ERI2: variants seen among roughly 807,000 people sequenced by gnomAD.
ERI2 encodes the protein ERI1 exoribonuclease family member 2, also known as ERI1 exoribonuclease 2.
ERI2 carries 35 observed loss-of-function variants against 46.8 expected under a neutral mutation model. The observed-to-expected ratio is 0.75, with a 90% CI of 0.57 to 0.99. The LOEUF is 0.99. ERI2 is among the 50% of genes least tolerant of loss of function. ERI2 has a pLI of 0.00. For missense variants in ERI2, 695 were observed against 796.2 expected (o/e 0.87, Z 1.53); for synonymous variants, 224 against 271.0 (o/e 0.83, Z 1.70).
chr16:20,789,911 C>T (rs929715778), intron 9 of ERI2, among the ~76,000 whole-genome samples: 4 of 151,450 alleles, frequency 2.6e-5, no homozygotes, highest in Admixed American at 6.6e-5. Flanking sequence ...TGACCTCAGG[C>T]GATCCACCCG....
intron 1 of ERI2, chr16:20,806,201 C>T (rs1187489755): frequency 7.2e-7 from 1 of 1,397,218 alleles, no homozygotes; most frequent in Non-Finnish European, 9.3e-7. Flanking sequence ...GCTCCTGTCA[C>T]CCTCGGGTAG....
chr16:20,790,792 T>A lies in ERI2; in HGVS notation c.815+58A>T. On this transcript the variant is annotated intron_variant, in intron 9 of 10. Coordinates refer to the ERI2 transcript ENST00000300005. The surrounding 1 kb of genome is among the most constrained non-coding windows in gnomAD (Gnocchi z 4.0). ...TACCTAGGATAGGTACTTGACCCTT[T>A]CTTGAGAGATTGGTTGTCCTGAATA... The A allele has an allele frequency of 6.2e-7, 1 of 1,613,384 alleles. No individual in the cohort carries two copies. The highest frequency in any genetic ancestry group is 1.7e-5 in the Admixed American group (1 of 59,930).
chr16:20,782,945 G>A (rs1462605917), intron 10 of ERI2, among the ~76,000 whole-genome samples: 3 of 152,126 alleles, frequency 2.0e-5, no homozygotes, highest in Non-Finnish European at 2.9e-5. Flanking sequence ...CTACCTTTCC[G>A]GCACGTGGTG....
intron 1 of ERI2, chr16:20,806,202 C>T: frequency 7.2e-7 from 1 of 1,396,862 alleles, no homozygotes; most frequent in South Asian, 1.6e-5. Context: ...CTCCTGTCAC[C>T]CTCGGGTAGA....
chr16:20,789,676 C>A, intron 9 of ERI2: 27 of 548,806 alleles, frequency 4.9e-5, no homozygotes, highest in Non-Finnish European at 7.7e-5. Context: ...TAAAGCAACT[C>A]TATTTTTCTT....
Sources: allele counts gnomAD v4.1 joint callset (sites outside exome capture counted in the v4.1 genomes callset), GRCh38; gene constraint gnomAD v4.1.1; non-coding constraint Gnocchi (gnomAD v3.1); transcripts MANE v1.5; gene names NCBI Gene and HGNC (gene_info 2026-07-23, HGNC 2026-07-21).